Variants in RNF217 observed in about 807,000 individuals in gnomAD.
RNF217 encodes the protein E3 ubiquitin-protein ligase RNF217.
Under a neutral mutation model 57.8 loss-of-function variants are expected in RNF217, and 31 were observed. The observed-to-expected ratio is 0.54, with a 90% confidence interval of 0.40 to 0.72. The LOEUF is 0.72. RNF217 is among the 30% of genes least tolerant of loss of function. RNF217 has a pLI of 0.00. For synonymous variants in RNF217, 313 were observed against 294.0 expected (o/e 1.06, Z -0.66); for missense variants, 696 against 708.3 (o/e 0.98, Z 0.20).
chr6:125,081,039 T>A (rs1279419827), intron 4 of RNF217, among the ~76,000 whole-genome samples: 1 of 152,044 alleles, frequency 6.6e-6, no homozygotes, highest in Non-Finnish European at 1.5e-5. Context: ...TGTTATGAGG[T>A]AACAAGATTT....
chr6:125,029,327 A>G (rs561670672), intron 1 of RNF217, among the ~76,000 whole-genome samples: 2 of 152,312 alleles, frequency 1.3e-5, no homozygotes, highest in South Asian at 2.1e-4. Context: ...ATTTTTTCAT[A>G]TTCAAATACA....
chr6:125,001,136 T>G (rs1784966172), intron 1 of RNF217, among the ~76,000 whole-genome samples: 1 of 152,234 alleles, frequency 6.6e-6, no homozygotes, highest in African/African-American at 2.4e-5. Flanking sequence ...ACTGCTGATT[T>G]ATGAGGCTTT....
At chr6:125,008,396 A>C (rs964675014) in intron 1 of RNF217, among the ~76,000 whole-genome samples, 3 of 152,234 alleles carry the variant, frequency 2.0e-5, no homozygotes, top group African/African-American at 7.2e-5. Context: ...TTCTGTACTT[A>C]GAAAGAAGTT....
chr6:124,997,550 T>C (rs1784800338), intron 1 of RNF217, among the ~76,000 whole-genome samples: 1 of 152,166 alleles, frequency 6.6e-6, no homozygotes, highest in Non-Finnish European at 1.5e-5. Flanking sequence ...GACACATTGA[T>C]GAAGGGCAAG....
At chr6:125,041,216 A>G (rs1786868737) in intron 1 of RNF217, among the ~76,000 whole-genome samples, 1 of 152,098 alleles carries the variant, frequency 6.6e-6, no homozygotes, top group Admixed American at 6.6e-5. Flanking sequence ...ATTTAAAAAA[A>G]TCTCATTGAT....
Position 125,082,995 on chromosome 6 carries a change from C to A in RNF217, c.*58C>A. ...GGAGTAGGAGCGATACCAAAGGGTA[C>A]ACCCATCTGTGAGTCACATCTTGAA... On this transcript the variant is annotated 3_prime_UTR_variant, in exon 6 of 6. Coordinates refer to ENST00000521654, the MANE Select transcript of RNF217 (RefSeq NM_001286398.3). 2 of 1,179,770 alleles carry A rather than the reference C, an allele frequency of 1.7e-6. No individual in the cohort carries two copies. Among genetic ancestry groups the A allele is most frequent in the South Asian group, 1.5e-5 (1 of 68,614 alleles). The allele number at this position is 1,179,770 out of a possible 1,614,324, so 73.1% of individuals were successfully genotyped here.
chr6:124,999,409 C>G (rs1002301111), intron 1 of RNF217, among the ~76,000 whole-genome samples: 13 of 152,068 alleles, frequency 8.5e-5, no homozygotes, highest in African/African-American at 3.1e-4. Context: ...TCTCTTCTCT[C>G]ATCTTTCCCA....
intron 1 of RNF217, among the ~76,000 whole-genome samples, chr6:124,975,242 C>G (rs1249109103): frequency 2.0e-5 from 3 of 152,104 alleles, no homozygotes; most frequent in African/African-American, 7.2e-5. Flanking sequence ...ACAGCTTTTC[C>G]CCCGGTTGCT....
rs1784813494 is a variant in RNF217, at chr6:124,997,933, C to T, written c.882+34507C>T. On this transcript the variant is annotated intron_variant, in intron 1 of 5. Coordinates refer to ENST00000521654, the MANE Select transcript of RNF217 (RefSeq NM_001286398.3). Reference sequence around the variant, plus strand: ...ACTGTCCTTACCTGTTCTTATGTGACGGTGACTCCAAAATTTCCATGTTGA... The same window carrying T: ...ACTGTCCTTACCTGTTCTTATGTGATGGTGACTCCAAAATTTCCATGTTGA... Among the ~76,000 whole-genome samples the T allele has an allele frequency of 2.0e-5, 3 of 152,166 alleles. No homozygotes were observed. In the South Asian group the frequency reaches 6.2e-4, roughly 32 times the overall value.
rs775139337 is a variant in RNF217, at chr6:125,082,930, A to C, written c.1622A>C (p.His541Pro). ...AGAAAACGATCACGGACAGGTATGC[A>C]CTGGTAACATGCAGATGATTTCATC... The part of the protein sequence containing the change: ...KQRKRSRTGM[H>P]W Residue 541 changes from histidine to proline, a missense_variant, in exon 6 of 6, where the codon CAC (histidine) becomes CCC (proline). His to Pro is a moderately conservative substitution (Grantham distance 77). Transcript: ENST00000521654. 1 of 1,599,122 alleles carries C rather than the reference A, an allele frequency of 6.3e-7. No homozygotes were observed. The highest frequency in any genetic ancestry group is 8.5e-7 in the Non-Finnish European group (1 of 1,175,230).
At chr6:125,002,125 A>G (rs2114289667) in intron 1 of RNF217, among the ~76,000 whole-genome samples, 1 of 152,268 alleles carries the variant, frequency 6.6e-6, no homozygotes, top group South Asian at 2.1e-4. Flanking sequence ...GAGACTAATA[A>G]TCTCCAGAAT....
intron 1 of RNF217, among the ~76,000 whole-genome samples, chr6:125,001,503 T>G (rs1784982040): frequency 1.3e-5 from 2 of 152,240 alleles, no homozygotes; most frequent in South Asian, 4.1e-4. Flanking sequence ...TTTTGTCAAC[T>G]AGTAATTAAA....
chr6:124,997,494 A>C (rs1392271221), intron 1 of RNF217, among the ~76,000 whole-genome samples: 1 of 152,182 alleles, frequency 6.6e-6, no homozygotes, highest in Non-Finnish European at 1.5e-5. Context: ...AATACTTCTT[A>C]GGCAAATCCG....
intron 2 of RNF217, among the ~76,000 whole-genome samples, chr6:125,050,899 T>G (rs1787288470): frequency 6.6e-6 from 1 of 151,856 alleles, no homozygotes. Context: ...TGGCATAGAT[T>G]TATGAGACAG....
At chr6:124,979,723 C>T (rs550736469) in intron 1 of RNF217, among the ~76,000 whole-genome samples, 72 of 152,314 alleles carry the variant, frequency 4.7e-4, no homozygotes, top group Non-Finnish European at 4.3e-4. Flanking sequence ...GGTAAATCTT[C>T]GGACAGTTTG....
chr6:125,044,748 A>G (rs1433186383), intron 1 of RNF217, among the ~76,000 whole-genome samples: 1 of 152,088 alleles, frequency 6.6e-6, no homozygotes, highest in East Asian at 1.9e-4. Flanking sequence ...GTTCTTTTAA[A>G]ATAGTAAAAT....
intron 1 of RNF217, among the ~76,000 whole-genome samples, chr6:124,995,335 T>A (rs191094977): frequency 6.6e-6 from 1 of 152,342 alleles, no homozygotes; most frequent in African/African-American, 2.4e-5. Flanking sequence ...CAAAACACAC[T>A]GTGCACTCTG....
At chr6:125,042,726 G>A (rs1786932186) in intron 1 of RNF217, among the ~76,000 whole-genome samples, 1 of 152,080 alleles carries the variant, frequency 6.6e-6, no homozygotes. Flanking sequence ...GCCCTCTTTA[G>A]CTGCCTTGGA....
At chr6:124,972,315 A>T (rs557430483) in intron 1 of RNF217, among the ~76,000 whole-genome samples, 1 of 152,002 alleles carries the variant, frequency 6.6e-6, no homozygotes, top group African/African-American at 2.4e-5. Flanking sequence ...TCCCTCTCTC[A>T]GGCCTCTACC....
Sources: allele counts gnomAD v4.1 joint callset (sites outside exome capture counted in the v4.1 genomes callset), GRCh38; gene constraint gnomAD v4.1.1; transcripts MANE v1.5; gene names NCBI Gene and HGNC (gene_info 2026-07-23, HGNC 2026-07-21).